Variants in CPS1 observed in about 807,000 individuals in gnomAD.
The protein encoded by CPS1 is carbamoyl-phosphate synthase [ammonia], mitochondrial.
A neutral mutation model predicts 174.6 loss-of-function variants in CPS1; 109 were observed. That is an observed-to-expected ratio of 0.62 (90% CI 0.53 to 0.73). The LOEUF (loss-of-function observed/expected upper bound fraction) is 0.73, where lower values mean the gene tolerates loss of function less well. Among genes scored for constraint, CPS1 ranks in the 30% least tolerant of loss-of-function variants. The probability of loss-of-function intolerance (pLI) is 0.00; values close to 1 mark genes in which losing one functional copy is unlikely to be tolerated. For synonymous variants in CPS1, 637 were observed against 632.0 expected, an observed-to-expected ratio of 1.01 and a Z score of -0.12; for missense variants, 1,689 against 1,821.9, an observed-to-expected ratio of 0.93 and a Z score of 1.33.
At chr2:210,668,416 A>C (rs192842073) in intron 34 of CPS1, 132 bp downstream of exon 34, 65 of 740,432 alleles carry the variant, frequency 8.8e-5, no homozygotes, top group African/African-American at 7.2e-4. Context: ...ACTTCCAGGA[A>C]GAAGGGACAT....
intron 30 of CPS1, chr2:210,658,371 G>A (rs570926035): frequency 4.4e-6 from 2 of 458,932 alleles, no homozygotes; most frequent in Admixed American, 3.4e-5. Flanking sequence ...AGAGATAATC[G>A]TGTACAATTA....
chr2:210,508,389 G>A (rs1695349752), intron 1 of CPS1, among the ~76,000 whole-genome samples: 1 of 151,496 alleles, frequency 6.6e-6, no homozygotes, highest in South Asian at 2.1e-4. Context: ...GTGTGTAGAG[G>A]GAAATTTATA....
At chr2:210,544,330 C>T (rs1696508894) in intron 1 of CPS1, among the ~76,000 whole-genome samples, 1 of 151,986 alleles carries the variant, frequency 6.6e-6, no homozygotes, top group Non-Finnish European at 1.5e-5. Context: ...CATCTTTAGG[C>T]CAAGAGCTCT....
intron 33 of CPS1, 122 bp from the exon 34 acceptor site, chr2:210,668,064 A>C (rs1399500353): frequency 2.9e-6 from 2 of 680,024 alleles, no homozygotes; most frequent in Non-Finnish European, 5.1e-6. Flanking sequence ...AGTACTTTCC[A>C]TTTGTGCGTG....
At position 210,660,594 on chromosome 2, in the gene CPS1, A is replaced by G. The variant is rs1700885605; in HGVS notation, c.3866A>G (p.Asp1289Gly). 4 of 1,614,008 alleles carry G rather than the reference A, an allele frequency of 2.5e-6. No homozygotes were observed. In the South Asian group the frequency reaches 4.4e-5, roughly 18 times the overall value. ...AAGGTGATGATTGGAGAGAATGTTG[A>G]TGAGAAACATCTTCCAACATTGGAC... Reference protein sequence around the residue: ...ATKVMIGENVDEKHLPTLDHP... With the variant: ...ATKVMIGENVGEKHLPTLDHP... Residue 1289 changes from aspartate to glycine, a missense_variant, in exon 32 of 38, where the codon GAT becomes GGT. Coordinates refer to ENST00000233072, the MANE Select transcript of CPS1 (RefSeq NM_001875.5).
chr2:210,603,390 T>G (rs1453189729), intron 16 of CPS1, among the ~76,000 whole-genome samples: 1 of 151,956 alleles, frequency 6.6e-6, no homozygotes, highest in African/African-American at 2.4e-5. Context: ...ATAAACAACT[T>G]GGGTTTCGTT....
At chr2:210,670,724 T>G (rs1472518253) in intron 34 of CPS1, among the ~76,000 whole-genome samples, 1 of 152,162 alleles carries the variant, frequency 6.6e-6, no homozygotes, top group Non-Finnish European at 1.5e-5. Flanking sequence ...CAAGAGAACT[T>G]GTTATATGGC....
intron 21 of CPS1, among the ~76,000 whole-genome samples, chr2:210,625,689 G>A (rs942008995): frequency 8.6e-5 from 13 of 152,044 alleles, no homozygotes; most frequent in Admixed American, 6.6e-5. Flanking sequence ...CTTTCAAGAG[G>A]ATTGCATGGT....
chr2:210,627,827 T>C (rs757895676), intron 21 of CPS1, among the ~76,000 whole-genome samples: 2 of 152,096 alleles, frequency 1.3e-5, no homozygotes, highest in Non-Finnish European at 2.9e-5. Flanking sequence ...TCTAAACTTC[T>C]CCTCCTGCTT....
At chr2:210,663,005 C>G in intron 32 of CPS1, 118 bp from the exon 33 acceptor site, 1 of 972,760 alleles carries the variant, frequency 1.0e-6, no homozygotes, top group Non-Finnish European at 1.6e-6. Flanking sequence ...TTTTACATGT[C>G]TACTGTAGCC....
intron 29 of CPS1, among the ~76,000 whole-genome samples, chr2:210,655,481 C>G (rs370402086): frequency 6.6e-6 from 1 of 152,078 alleles, no homozygotes; most frequent in African/African-American, 2.4e-5. Flanking sequence ...GGACATAGAA[C>G]TGCAGGTTGC....
chr2:210,479,417 C>T (rs1327559344), intron 1 of CPS1, among the ~76,000 whole-genome samples: 1 of 150,518 alleles, frequency 6.6e-6, no homozygotes, highest in Non-Finnish European at 1.5e-5. Flanking sequence ...CAACCTCTGA[C>T]TCCCTGGTTC....
intron 34 of CPS1, chr2:210,673,123 A>C (rs1701370154): frequency 6.6e-6 from 1 of 152,218 alleles, no homozygotes; most frequent in Non-Finnish European, 1.5e-5. Context: ...AGGTTACAAG[A>C]CATTTGCTGA....
chr2:210,579,845 C>G (rs1301663286), intron 5 of CPS1, 75 bp downstream of exon 5: 1 of 1,195,390 alleles, frequency 8.4e-7, no homozygotes, highest in Non-Finnish European at 1.2e-6. Context: ...GTGTTTCCCT[C>G]AGTGCCTAAG....
intron 21 of CPS1, among the ~76,000 whole-genome samples, chr2:210,629,077 C>T (rs1047439010): frequency 5.9e-5 from 9 of 152,056 alleles, no homozygotes; most frequent in African/African-American, 2.2e-4. Flanking sequence ...TAAAGTGTTT[C>T]TTCTTATCTG....
rs2105850060 is a variant in CPS1 at position 210,606,813 on chromosome 2, T to C, written c.2064T>C (p.Val688=). 1 of 1,612,668 alleles carries C rather than the reference T, an allele frequency of 6.2e-7. No individual in the cohort carries two copies. Among genetic ancestry groups the C allele is most frequent in the Non-Finnish European group, 8.5e-7 (1 of 1,179,126 alleles). Residue 688 remains valine (V), a synonymous_variant, in exon 18 of 38, where the codon GTT becomes GTC. Coordinates refer to ENST00000233072, the MANE Select transcript of CPS1 (RefSeq NM_001875.5). ...QMLRRTSINV[V]RHLGIVGECN... ...TGAGACGTACTTCAATCAATGTTGT[T>C]CGCCACTTGGGCATTGTGGGTGAAT... is the stretch of plus-strand genomic sequence containing the variant.
intron 34 of CPS1, chr2:210,673,778 ACTCATACTAAT>A (rs1701404179): frequency 1.3e-5 from 2 of 152,294 alleles, no homozygotes; most frequent in African/African-American, 4.8e-5. Context: ...TTTATTGAAC[ACTCATACTAAT>A]GTAAGAACTG....
At chr2:210,585,894 G>A (rs899843366) in intron 6 of CPS1, among the ~76,000 whole-genome samples, 5 of 151,632 alleles carry the variant, frequency 3.3e-5, no homozygotes, top group South Asian at 2.1e-4. Context: ...CCTTGTCATT[G>A]AGAGTCTTTA....
At chr2:210,647,746 T>C in intron 25 of CPS1, 117 bp from the exon 26 acceptor site, 1 of 1,282,208 alleles carries the variant, frequency 7.8e-7, no homozygotes, top group Non-Finnish European at 1.1e-6. Flanking sequence ...GTAGGAGAGA[T>C]GTAAATATCA....
Sources: gnomAD v4.1 joint callset for allele counts (sites outside exome capture counted in the v4.1 genomes callset) on GRCh38, gnomAD v4.1.1 for gene constraint, MANE v1.5 for transcripts, NCBI Gene and HGNC (gene_info 2026-07-23, HGNC 2026-07-21) for gene names.